Variants in OCIAD1 observed in about 807,000 individuals in gnomAD.
OCIAD1 encodes OCIA domain containing 1, also known as OCIA domain-containing protein 1.
Under a neutral mutation model 38.9 loss-of-function variants are expected in OCIAD1, and 29 were observed. That is an observed-to-expected ratio of 0.74 (90% CI 0.55 to 1.02). The LOEUF (loss-of-function observed/expected upper bound fraction) is 1.02. Among genes scored for constraint, OCIAD1 ranks in the 50% least tolerant of loss-of-function variants. The pLI is 0.00. For synonymous variants in OCIAD1, 110 were observed against 92.0 expected (o/e 1.20, Z -1.12); for missense variants, 288 against 289.6 (o/e 0.99, Z 0.04).
At chr4:48,814,379 G>T (rs1374831532) in intron 1 of OCIAD1, among the ~76,000 whole-genome samples, 20 of 148,780 alleles carry the variant, frequency 1.3e-4, no homozygotes, top group Admixed American at 1.3e-3. Flanking sequence ...TCACCTAGAC[G>T]TGGAAAAAAC....
intron 3 of OCIAD1, among the ~76,000 whole-genome samples, chr4:48,838,498 A>C (rs1217239600): frequency 6.6e-6 from 1 of 152,238 alleles, no homozygotes. Flanking sequence ...AGCATCAAAC[A>C]TTGAAATGTA....
intron 3 of OCIAD1, among the ~76,000 whole-genome samples, chr4:48,838,597 A>G (rs1455848949): frequency 6.6e-6 from 1 of 152,188 alleles, no homozygotes; most frequent in Non-Finnish European, 1.5e-5. Context: ...GTACTTTAAC[A>G]TTTGTACTTT....
upstream of OCIAD1, among the ~76,000 whole-genome samples, chr4:48,827,338 T>C (rs541423749): frequency 2.0e-5 from 3 of 152,360 alleles, no homozygotes; most frequent in Admixed American, 6.5e-5. Context: ...AAATTTCTTA[T>C]GGTACATTTC....
chr4:48,820,487 A>G (rs568839371), intron 1 of OCIAD1, among the ~76,000 whole-genome samples: 2 of 152,348 alleles, frequency 1.3e-5, no homozygotes, highest in African/African-American at 4.8e-5. Context: ...TCACAATTAA[A>G]AGAATGAAAG....
At chr4:48,857,140 AT>A in intron 7 of OCIAD1, 72 bp from the exon 8 acceptor site, 1 of 855,212 alleles carries the variant, frequency 1.2e-6, no homozygotes, top group Non-Finnish European at 1.7e-6. Context: ...TGTAAGGAGC[AT>A]TTGTAAAATT....
chr4:48,840,771 C>T (rs1266805185), intron 3 of OCIAD1, among the ~76,000 whole-genome samples: 2 of 148,264 alleles, frequency 1.3e-5, no homozygotes, highest in African/African-American at 5.0e-5. Flanking sequence ...CTGAGGTGGG[C>T]TGATTACTTG....
chr4:48,841,659 T>A (rs1464496687), intron 3 of OCIAD1, among the ~76,000 whole-genome samples: 1 of 152,146 alleles, frequency 6.6e-6, no homozygotes, highest in African/African-American at 2.4e-5. Context: ...CGCATATCAA[T>A]GGGGGGAACT....
At chr4:48,832,582 T>A in intron 1 of OCIAD1, 38 bp from the exon 2 acceptor site, 2 of 1,483,920 alleles carry the variant, frequency 1.3e-6, no homozygotes, top group Non-Finnish European at 1.9e-6. Flanking sequence ...TATCTAGTGA[T>A]AGTTTCTAAT....
chr4:48,844,503 C>T lies in OCIAD1; in HGVS notation c.193+1814C>T, dbSNP rs1415672548. Among the ~76,000 whole-genome samples, 6 of 152,038 alleles carry T rather than the reference C, an allele frequency of 3.9e-5. No homozygotes were observed. In the East Asian group the frequency reaches 1.2e-3, roughly 29 times the overall value. The stretch of plus-strand genomic sequence containing the variant: ...TGGTCGTGCGTGCCTGTAGTCCCAG[C>T]TACTCAGGAGACTGAGGCAGGAGAA... On this transcript the variant is annotated intron_variant, in intron 4 of 8. Transcript: ENST00000264312.
intron 1 of OCIAD1, among the ~76,000 whole-genome samples, chr4:48,806,288 T>C (rs1441412872): frequency 6.6e-6 from 1 of 152,078 alleles, no homozygotes; most frequent in African/African-American, 2.4e-5. Flanking sequence ...ATAAATAAAT[T>C]TGGAAAAACA....
At chr4:48,840,833 CAAAAAAA>C (rs1233881090) in intron 3 of OCIAD1, among the ~76,000 whole-genome samples, 38 of 46,400 alleles carry the variant, frequency 8.2e-4, no homozygotes, top group Admixed American at 3.7e-3. Context: ...CTCATCTCTA[CAAAAAAA>C]AAAAAAAAAA....
intron 1 of OCIAD1, among the ~76,000 whole-genome samples, chr4:48,807,870 C>T (rs1777044793): frequency 6.6e-6 from 1 of 152,230 alleles, no homozygotes; most frequent in African/African-American, 2.4e-5. Context: ...GCTACTATGA[C>T]ATCAACTTCA....
At chr4:48,840,171 ACT>A (rs1157647973) in intron 3 of OCIAD1, among the ~76,000 whole-genome samples, 1 of 152,232 alleles carries the variant, frequency 6.6e-6, no homozygotes, top group African/African-American at 2.4e-5. Context: ...GAATGGCAGA[ACT>A]AGTACTAGAA....
At chr4:48,834,931 T>C (rs1777852357) in intron 3 of OCIAD1, among the ~76,000 whole-genome samples, 1 of 152,220 alleles carries the variant, frequency 6.6e-6, no homozygotes, top group South Asian at 2.1e-4. Flanking sequence ...TTTTCTTTTT[T>C]GTTTGTTTGT....
At chr4:48,831,447 G>T in intron 1 of OCIAD1, 198 bp downstream of exon 1, 1 of 1,269,512 alleles carries the variant, frequency 7.9e-7, no homozygotes, top group South Asian at 1.2e-5. Context: ...AGCTGGGGAA[G>T]TTCGTGGTCA....
chr4:48,818,242 G>A (rs1777160787), intron 1 of OCIAD1, among the ~76,000 whole-genome samples: 1 of 152,186 alleles, frequency 6.6e-6, no homozygotes, highest in Admixed American at 6.5e-5. Flanking sequence ...AGAAATCTTT[G>A]TTGTTCTGCA....
chr4:48,850,947 C>A (rs891684009), intron 6 of OCIAD1, among the ~76,000 whole-genome samples: 2 of 152,190 alleles, frequency 1.3e-5, no homozygotes, highest in African/African-American at 4.8e-5. Context: ...TATCTCGATT[C>A]AATTTGGCAA....
At chr4:48,831,406 CG>C in intron 1 of OCIAD1, 157 bp downstream of exon 1, 2 of 974,630 alleles carry the variant, frequency 2.1e-6, no homozygotes, top group Non-Finnish European at 2.8e-6. Flanking sequence ...CCGGTGACTG[CG>C]GGAGGCGACG....
At chr4:48,821,929 T>C (rs1435255701) in intron 1 of OCIAD1, among the ~76,000 whole-genome samples, 2 of 152,196 alleles carry the variant, frequency 1.3e-5, no homozygotes, top group Non-Finnish European at 2.9e-5. Flanking sequence ...TCCATGCTCA[T>C]GGATAGGAAC....
Sources: allele counts gnomAD v4.1 joint callset (sites outside exome capture counted in the v4.1 genomes callset), GRCh38; gene constraint gnomAD v4.1.1; transcripts MANE v1.5; gene names NCBI Gene and HGNC (gene_info 2026-07-23, HGNC 2026-07-21).